The following MACROD2 variants were observed in gnomAD, a reference collection of about 807,000 sequenced individuals.
The protein encoded by MACROD2 is mono-ADP ribosylhydrolase 2.
In MACROD2, 36 loss-of-function variants were observed where a neutral mutation model predicts 70.4. The observed-to-expected ratio is 0.51, with a 90% confidence interval of 0.39 to 0.68. The LOEUF is 0.68. Ranked by LOEUF, MACROD2 falls within the 30% of genes least tolerant of loss-of-function variation. The pLI is 0.00. For synonymous variants in MACROD2, 172 were observed against 178.8 expected (o/e 0.96, Z 0.30); for missense variants, 496 against 538.4 (o/e 0.92, Z 0.78).
At chr20:14,284,123 C>A (rs961305885) in intron 3 of MACROD2, among the ~76,000 whole-genome samples, 4 of 152,094 alleles carry the variant, frequency 2.6e-5, no homozygotes, top group African/African-American at 7.2e-5. Flanking sequence ...CTTTCCATTG[C>A]AAAATGGCAG....
At chr20:14,186,432 T>C (rs2081344685) in intron 3 of MACROD2, among the ~76,000 whole-genome samples, 1 of 152,102 alleles carries the variant, frequency 6.6e-6, no homozygotes, top group Non-Finnish European at 1.5e-5. Context: ...TCAGAATGGC[T>C]ATTATTAAAA....
At chr20:15,001,975 A>G (rs1318859210) in intron 5 of MACROD2, among the ~76,000 whole-genome samples, 1 of 151,412 alleles carries the variant, frequency 6.6e-6, no homozygotes. Flanking sequence ...ACACACACAT[A>G]TACACACACA....
intron 3 of MACROD2, among the ~76,000 whole-genome samples, chr20:14,170,080 G>A (rs1463115652): frequency 2.6e-5 from 4 of 152,128 alleles, no homozygotes; most frequent in Non-Finnish European, 4.4e-5. Context: ...TTTTAGTAGA[G>A]ATGGGGTTTC....
chr20:15,198,361 T>C (rs762928633), intron 5 of MACROD2, among the ~76,000 whole-genome samples: 8 of 152,190 alleles, frequency 5.3e-5, no homozygotes, highest in Non-Finnish European at 1.0e-4. Context: ...TTTCTAATTA[T>C]AAGCATTGCC....
At chr20:14,469,685 A>G (rs2084503620) in intron 3 of MACROD2, among the ~76,000 whole-genome samples, 1 of 151,544 alleles carries the variant, frequency 6.6e-6, no homozygotes, top group Non-Finnish European at 1.5e-5. Context: ...TTGATCTTCA[A>G]TCTCTGATAT....
chr20:15,933,098 G>T (rs182102743), intron 10 of MACROD2, among the ~76,000 whole-genome samples, 178 bp from the exon 11 acceptor site: 166 of 152,274 alleles, frequency 1.1e-3, no homozygotes, highest in Admixed American at 2.2e-3. Context: ...GAGTATAAAT[G>T]CACTTATTTA....
Position 14,594,980 on chromosome 20 carries a change from C to G in MACROD2, c.302-89863C>G, listed in dbSNP as rs142647475. Among the ~76,000 whole-genome samples, 21 of 152,238 alleles carry G rather than the reference C, an allele frequency of 1.4e-4. No individual in the cohort carries two copies. In the East Asian group the frequency reaches 3.5e-3, roughly 25 times the overall value. ...TTATTTCACCATACACTTTTCCTGT[C>G]TTTTTTTCCCCCTCTGGTATAAATA... On this transcript the variant is annotated intron_variant, in intron 4 of 17. Transcript: ENST00000684519.
intron 5 of MACROD2, among the ~76,000 whole-genome samples, chr20:14,718,292 C>CAAAAAAAAAAAAAAAAAAAAAAAAA (rs11358439): frequency 3.7e-5 from 2 of 54,640 alleles, no homozygotes; most frequent in Non-Finnish European, 3.0e-5. Context: ...GACTCTGTCT[C>CAAAAAAAAAAAAAAAAAAAAAAAAA]AAAAAAAAAA....
chr20:15,537,381 C>T (rs1286733566), intron 8 of MACROD2, among the ~76,000 whole-genome samples: 1 of 151,942 alleles, frequency 6.6e-6, no homozygotes, highest in African/African-American at 2.4e-5. Flanking sequence ...CTAATACAGC[C>T]CCAAGCTCCT....
intron 3 of MACROD2, among the ~76,000 whole-genome samples, chr20:14,320,327 C>T (rs1330371423): frequency 6.6e-6 from 1 of 152,152 alleles, no homozygotes; most frequent in African/African-American, 2.4e-5. Flanking sequence ...GTGCGCTGTT[C>T]AGGCCCTTAT....
At chr20:15,549,460 A>G (rs891682534) in intron 8 of MACROD2, among the ~76,000 whole-genome samples, 1 of 152,344 alleles carries the variant, frequency 6.6e-6, no homozygotes, top group Admixed American at 6.5e-5. Flanking sequence ...ATCCACATCA[A>G]TCTATATACT....
chr20:14,719,229 T>TA (rs78431914), intron 5 of MACROD2, among the ~76,000 whole-genome samples: 81 of 145,380 alleles, frequency 5.6e-4, no homozygotes, highest in East Asian at 9.9e-4. Context: ...GACTCCATCT[T>TA]AAAAAAAAAA....
intron 3 of MACROD2, among the ~76,000 whole-genome samples, chr20:14,405,480 G>C (rs575859734): frequency 1.6e-4 from 25 of 152,246 alleles, no homozygotes; most frequent in African/African-American, 5.8e-4. Context: ...GAATCTACGG[G>C]AGTCCAGTAG....
chr20:15,336,916 A>G (rs1388203388), intron 6 of MACROD2, among the ~76,000 whole-genome samples: 1 of 151,642 alleles, frequency 6.6e-6, no homozygotes, highest in Non-Finnish European at 1.5e-5. Context: ...AGCCTGAGAG[A>G]GTTTAAGGAG....
chr20:14,714,285 G>A (rs1469785594), intron 5 of MACROD2, among the ~76,000 whole-genome samples: 1 of 151,868 alleles, frequency 6.6e-6, no homozygotes. Flanking sequence ...ATCCTGCATT[G>A]GGCCACACCA....
At chr20:14,399,000 A>G (rs2083609131) in intron 3 of MACROD2, among the ~76,000 whole-genome samples, 1 of 151,108 alleles carries the variant, frequency 6.6e-6, no homozygotes. Flanking sequence ...TATCTAAAAA[A>G]GTTTTTATGC....
intron 6 of MACROD2, among the ~76,000 whole-genome samples, chr20:15,258,362 T>C (rs949337403): frequency 6.6e-6 from 1 of 152,102 alleles, no homozygotes; most frequent in East Asian, 1.9e-4. Context: ...CAGCTTCTAG[T>C]CCTGAAAGCT....
intron 4 of MACROD2, among the ~76,000 whole-genome samples, chr20:14,634,997 A>G (rs569186469): frequency 6.6e-6 from 1 of 152,210 alleles, no homozygotes; most frequent in South Asian, 2.1e-4. Context: ...TTAGCATTTT[A>G]GTCCACAGTC....
intron 8 of MACROD2, among the ~76,000 whole-genome samples, chr20:15,785,922 A>G (rs1426942522): frequency 1.3e-5 from 2 of 152,234 alleles, no homozygotes; most frequent in African/African-American, 2.4e-5. Context: ...ATATCACAGA[A>G]ATAATACCCA....
Sources: allele counts gnomAD v4.1 joint callset (sites outside exome capture counted in the v4.1 genomes callset), GRCh38; gene constraint gnomAD v4.1.1; transcripts MANE v1.5; gene names NCBI Gene and HGNC (gene_info 2026-07-23, HGNC 2026-07-21).